Variants in LMF1 observed in about 807,000 individuals in gnomAD.
LMF1 encodes transmembrane protein 112.
LMF1 carries 68 observed loss-of-function variants against 60.6 expected under a neutral mutation model. The ratio of observed to expected loss-of-function variants is 1.12; its 90% CI spans 0.92 to 1.37. The LOEUF (loss-of-function observed/expected upper bound fraction) is 1.37, where lower values mean the gene tolerates loss of function less well. Among genes scored for constraint, LMF1 ranks in the 40% most tolerant of loss-of-function variants. The probability of loss-of-function intolerance (pLI) is 0.00; values close to 1 mark genes in which losing one functional copy is unlikely to be tolerated. For missense variants in LMF1, 948 were observed against 767.2 expected, an observed-to-expected ratio of 1.24 and a Z score of -2.78; for synonymous variants, 418 against 324.7, an observed-to-expected ratio of 1.29 and a Z score of -3.09.
At chr16:932,443 G>A (rs771648903) in intron 3 of LMF1, among the ~76,000 whole-genome samples, 20 of 152,152 alleles carry the variant, frequency 1.3e-4, no homozygotes, top group Non-Finnish European at 2.2e-4. Flanking sequence ...CTTGCCTCAC[G>A]GACTCGATTT....
At chr16:971,625 G>A (rs1404672889), upstream of LMF1, among the ~76,000 whole-genome samples, 1 of 152,208 alleles carries the variant, frequency 6.6e-6, no homozygotes, top group Non-Finnish European at 1.5e-5. Flanking sequence ...CAGGACTCAG[G>A]AGGGAAGGGC....
At chr16:917,726 C>G in intron 3 of LMF1, among the ~76,000 whole-genome samples, 1 of 152,222 alleles carries the variant, frequency 6.6e-6, no homozygotes, top group Non-Finnish European at 1.5e-5. Context: ...TCAGCCCCAC[C>G]CCAGAGGTGT....
intron 6 of LMF1, among the ~76,000 whole-genome samples, chr16:876,403 G>A (rs1021003955): frequency 3.3e-5 from 5 of 152,294 alleles, no homozygotes; most frequent in East Asian, 1.9e-4. Context: ...GTCGTCGTCC[G>A]TTTGTCGGAG....
At chr16:959,876 A>C (rs1026529342) in intron 1 of LMF1, among the ~76,000 whole-genome samples, 1 of 147,864 alleles carries the variant, frequency 6.8e-6, no homozygotes, top group Non-Finnish European at 1.5e-5. Flanking sequence ...GGAATACACC[A>C]TGTTCCAGGA....
At chr16:954,107 A>T in intron 2 of LMF1, 1 of 607,344 alleles carries the variant, frequency 1.6e-6, no homozygotes, top group South Asian at 1.6e-5. Context: ...TGGCTCCAGT[A>T]AGCTGGCAAC....
intron 4 of LMF1, among the ~76,000 whole-genome samples, chr16:894,072 CCG>C (rs2070581775): frequency 6.6e-6 from 1 of 151,018 alleles, no homozygotes; most frequent in African/African-American, 2.4e-5. Flanking sequence ...ATCCGCCCAC[CCG>C]TCCCCCTGTC....
At chr16:925,882 T>C (rs1253318102) in intron 3 of LMF1, among the ~76,000 whole-genome samples, 2 of 152,294 alleles carry the variant, frequency 1.3e-5, no homozygotes, top group Non-Finnish European at 2.9e-5. Context: ...CTAAATCCTG[T>C]ATGTGCATCT....
intron 4 of LMF1, among the ~76,000 whole-genome samples, chr16:906,088 C>A (rs1409774584): frequency 6.6e-6 from 1 of 152,230 alleles, no homozygotes; most frequent in Non-Finnish European, 1.5e-5. Flanking sequence ...TATCCAGGTG[C>A]ATATCCAGAA....
chr16:864,019 A>G (rs1252075463), intron 10 of LMF1, among the ~76,000 whole-genome samples: 2 of 152,198 alleles, frequency 1.3e-5, no homozygotes. Flanking sequence ...CCATCTAGTT[A>G]TTCTACCTAT....
intron 3 of LMF1, among the ~76,000 whole-genome samples, chr16:916,044 C>T (rs1340064074): frequency 6.6e-6 from 1 of 152,098 alleles, no homozygotes; most frequent in African/African-American, 2.4e-5. Flanking sequence ...TAGCCTCCGG[C>T]AAAGGGAGGG....
chr16:973,484 C>CG (rs767080828), upstream of LMF1, among the ~76,000 whole-genome samples: 3 of 152,180 alleles, frequency 2.0e-5, no homozygotes, highest in Non-Finnish European at 4.4e-5. Flanking sequence ...ATGAAATGTC[C>CG]GGGGTGGGCA....
chr16:884,525 CA>C (rs1354810993), intron 5 of LMF1, among the ~76,000 whole-genome samples: 1 of 152,252 alleles, frequency 6.6e-6, no homozygotes, highest in Non-Finnish European at 1.5e-5. Context: ...AACTTGTCAC[CA>C]GCAAACCTAT....
Position 854,341 on chromosome 16 carries a change from G to C in LMF1, c.*191C>G, listed in dbSNP as rs1292043528. ...TGGCCTGGATGTGGGGCCCCAGGTG[G>C]GCAGGGCCTGGGAGCCGCCACAGTA... On this transcript the variant is annotated 3_prime_UTR_variant, in exon 11 of 11. Transcript: ENST00000262301. 4 of 730,754 alleles carry C rather than the reference G, an allele frequency of 5.5e-6. No individual in the cohort carries two copies. The highest frequency in any genetic ancestry group is 9.6e-6 in the Non-Finnish European group (4 of 414,922). The allele number at this position is 730,754 out of a possible 1,614,324, so 45.3% of individuals were successfully genotyped here.
chr16:909,315 G>GA (rs2071046117), intron 4 of LMF1, among the ~76,000 whole-genome samples: 1 of 152,264 alleles, frequency 6.6e-6, no homozygotes, highest in Non-Finnish European at 1.5e-5. Flanking sequence ...GAACGAGATG[G>GA]AAAGAAGAGC....
chr16:867,563 G>A (rs975162471), intron 10 of LMF1, among the ~76,000 whole-genome samples: 1 of 152,202 alleles, frequency 6.6e-6, no homozygotes. Context: ...CAGGGGAACG[G>A]CCGCCTGTCC....
chr16:861,935 C>T (rs1322912506), intron 10 of LMF1, among the ~76,000 whole-genome samples: 1 of 152,184 alleles, frequency 6.6e-6, no homozygotes, highest in Non-Finnish European at 1.5e-5. Flanking sequence ...GCTCTTTATC[C>T]AGCGGAGGAA....
intron 5 of LMF1, among the ~76,000 whole-genome samples, chr16:882,948 A>G (rs1483645397): frequency 6.7e-6 from 1 of 149,166 alleles, no homozygotes; most frequent in Non-Finnish European, 1.5e-5. Flanking sequence ...AGCCCATCAC[A>G]GGACCAGGAG....
At chr16:891,421 G>A (rs113910757) in intron 5 of LMF1, among the ~76,000 whole-genome samples, 1 of 152,220 alleles carries the variant, frequency 6.6e-6, no homozygotes, top group Non-Finnish European at 1.5e-5. Context: ...CATGGTGGGC[G>A]CCTCAGCATC....
At position 853,790 on chromosome 16, in the gene LMF1, TGTCAA is replaced by T. The variant is rs1344939918; in HGVS notation, c.*737_*741del. On this transcript the variant is annotated 3_prime_UTR_variant, in exon 11 of 11. Coordinates refer to ENST00000262301, the MANE Select transcript of LMF1 (RefSeq NM_022773.4). Reference sequence around the variant, plus strand: ...CGGCTGTCCTCCGATTGAGGGGCCTTGTCAAGGCCTCAGAGGCAGCGAGGTCACAG... The same window carrying T: ...CGGCTGTCCTCCGATTGAGGGGCCTTGGCCTCAGAGGCAGCGAGGTCACAG... 4.4e-6 allele frequency: 2 copies of T among 454,090 alleles called. No individual in the cohort carries two copies. The highest frequency in any genetic ancestry group is 1.4e-3 in the Middle Eastern group (2 of 1,444). 28.1% of individuals were successfully genotyped at this position (454,090 alleles called of 1,614,324 possible).
Sources: gnomAD v4.1 joint callset for allele counts (sites outside exome capture counted in the v4.1 genomes callset) on GRCh38, gnomAD v4.1.1 for gene constraint, MANE v1.5 for transcripts, NCBI Gene and HGNC (gene_info 2026-07-23, HGNC 2026-07-21) for gene names.